Variants in SEC14L6 observed in about 807,000 individuals in gnomAD.
SEC14L6 encodes the protein SEC14 like lipid binding 6.
Under a neutral mutation model 54.1 loss-of-function variants are expected in SEC14L6, and 40 were observed. The ratio of observed to expected loss-of-function variants is 0.74; its 90% confidence interval spans 0.57 to 0.96. The LOEUF (loss-of-function observed/expected upper bound fraction) is 0.96, where lower values mean the gene tolerates loss of function less well. Ranked by LOEUF, SEC14L6 falls within the 40% of genes least tolerant of loss-of-function variation. The pLI is 0.00. For missense variants in SEC14L6, 471 were observed against 498.3 expected (o/e 0.95, Z 0.52); for synonymous variants, 171 against 198.4 (o/e 0.86, Z 1.16).
chr22:30,532,227 C>A, intron 5 of SEC14L6: 1 of 985,460 alleles, frequency 1.0e-6, no homozygotes, highest in Non-Finnish European at 1.2e-6. Flanking sequence ...TTGCAGTTCC[C>A]TCTTCGGTCC....
At chr22:30,546,577 C>G in intron 1 of SEC14L6, 52 bp downstream of exon 1, 1 of 1,506,080 alleles carries the variant, frequency 6.6e-7, no homozygotes, top group African/African-American at 1.4e-5. Flanking sequence ...TGCCCTTCCC[C>G]GTGGCAGAAG....
In SEC14L6 at chr22:30,523,742, T is replaced by C. The variant is rs1332495923; in HGVS notation, c.*1255A>G. ...TGCTATAACAGTGGGAGGGAACGTG[T>C]ATGTGGAAGACAGAATAGAGAGTTT... On this transcript the variant is annotated 3_prime_UTR_variant, in exon 12 of 12. Transcript: ENST00000402034. The C allele has an allele frequency of 2.0e-5, 3 of 152,166 alleles. No individual in the cohort carries two copies. Among genetic ancestry groups the C allele is most frequent in the Admixed American group, 2.0e-4 (3 of 15,264 alleles). 9.4% of individuals were successfully genotyped at this position (152,166 alleles called of 1,614,324 possible).
intron 8 of SEC14L6, 117 bp from the exon 9 acceptor site, chr22:30,526,049 G>T: frequency 8.1e-7 from 1 of 1,227,082 alleles, no homozygotes; most frequent in Non-Finnish European, 1.2e-6. Context: ...GCGCGCTTTT[G>T]CCACTCCATT....
intron 1 of SEC14L6, among the ~76,000 whole-genome samples, chr22:30,541,234 C>A (rs1479326553): frequency 6.6e-6 from 1 of 151,984 alleles, no homozygotes; most frequent in Non-Finnish European, 1.5e-5. Flanking sequence ...TTTTTATAAT[C>A]ATCTTCTTGG....
chr22:30,531,041 C>T (rs954768529), intron 6 of SEC14L6, among the ~76,000 whole-genome samples: 7 of 152,120 alleles, frequency 4.6e-5, no homozygotes, highest in Non-Finnish European at 7.4e-5. Flanking sequence ...GAGATGGTGA[C>T]CTGGGGGTGC....
At chr22:30,541,641 G>A (rs973977282) in intron 1 of SEC14L6, among the ~76,000 whole-genome samples, 2 of 151,704 alleles carry the variant, frequency 1.3e-5, no homozygotes, top group Non-Finnish European at 2.9e-5. Context: ...CTGGGTGACA[G>A]AGCCAGACTC....
chr22:30,532,849 T>C lies in SEC14L6; in HGVS notation c.182A>G (p.Glu61Gly). The stretch of plus-strand genomic sequence containing the variant: ...GGCCAGGTCTTGTTGCTTCCGGAAC[T>C]CCATATGCTGCAGAGACACGGCAGG... Reference protein sequence around the residue: ...KSEDMLRKHMEFRKQQDLANI... With the variant: ...KSEDMLRKHMGFRKQQDLANI... The change falls in exon 4 of 12, where the codon GAG (glutamate) becomes GGG (glycine). Residue 61 changes from glutamate to glycine, a missense_variant. Physicochemically the swap from Glu to Gly is moderately conservative, Grantham distance 98. Coordinates refer to ENST00000402034, the MANE Select transcript of SEC14L6 (RefSeq NM_001193336.4). 6.2e-7 allele frequency: 1 copy of C among 1,613,564 alleles called. No individual in the cohort carries two copies. The highest frequency in any genetic ancestry group is 8.5e-7 in the Non-Finnish European group (1 of 1,179,870).
chr22:30,542,398 A>C, intron 1 of SEC14L6: 1 of 412,882 alleles, frequency 2.4e-6, no homozygotes, highest in Non-Finnish European at 4.2e-6. Flanking sequence ...TCCGGAGGCG[A>C]GGGGAGGTCG....
intron 1 of SEC14L6, among the ~76,000 whole-genome samples, chr22:30,546,383 CAA>C (rs915640201): frequency 2.0e-4 from 10 of 49,854 alleles, no homozygotes; most frequent in Middle Eastern, 0.011. Context: ...AACTCCGTCT[CAA>C]AAAAAAAAAA....
At chr22:30,544,147 A>C in intron 1 of SEC14L6, 2 of 1,147,272 alleles carry the variant, frequency 1.7e-6, no homozygotes, top group South Asian at 1.4e-5. Flanking sequence ...AGGAGCCGCC[A>C]TGATGAGCAC....
chr22:30,532,426 GAGGAGCCC>G, intron 5 of SEC14L6, 91 bp downstream of exon 5: 2 of 1,364,796 alleles, frequency 1.5e-6, no homozygotes, highest in Non-Finnish European at 9.8e-7. Context: ...AGGAGGAGCC[GAGGAGCCC>G]AGGAGCCCAG....
chr22:30,527,690 G>A (rs1256659867), intron 8 of SEC14L6, among the ~76,000 whole-genome samples: 6 of 147,094 alleles, frequency 4.1e-5, no homozygotes, highest in Non-Finnish European at 8.9e-5. Flanking sequence ...ACTCCAGCCT[G>A]GGTGGCAGAG....
In SEC14L6 at chr22:30,543,078, C is replaced by G. The variant is rs975668218; in HGVS notation, c.54+3551G>C. ...CTGACCACACAGTGAGCTTCACCTG[C>G]GAGTCTCATGGCTTCTCACCCAGAG... On this transcript the variant is annotated intron_variant, in intron 1 of 11. Coordinates refer to ENST00000402034, the MANE Select transcript of SEC14L6 (RefSeq NM_001193336.4). The G allele has an allele frequency of 1.5e-5, 24 of 1,598,760 alleles. 1 individual carries two copies. In the East Asian group the frequency reaches 5.1e-4, roughly 34 times the overall value.
At chr22:30,534,170 C>T in intron 2 of SEC14L6, 131 bp from the exon 3 acceptor site, 1 of 789,226 alleles carries the variant, frequency 1.3e-6, no homozygotes. Flanking sequence ...TGTTCTTGAC[C>T]TGGGGAGCCA....
chr22:30,543,304 T>C (rs890282167), intron 1 of SEC14L6: 8 of 1,576,566 alleles, frequency 5.1e-6, no homozygotes, highest in Admixed American at 5.0e-5. Flanking sequence ...GACTGCCAAC[T>C]TGTCTGAGAC....
intron 1 of SEC14L6, among the ~76,000 whole-genome samples, chr22:30,541,347 T>C (rs1308272231): frequency 6.6e-6 from 1 of 152,222 alleles, no homozygotes; most frequent in African/African-American, 2.4e-5. Flanking sequence ...GTTTAATTGC[T>C]TTTCATCAAA....
chr22:30,546,571 C>G, intron 1 of SEC14L6, 58 bp downstream of exon 1: 1 of 1,483,398 alleles, frequency 6.7e-7, no homozygotes, highest in Non-Finnish European at 9.2e-7. Flanking sequence ...GAGTCCTGCC[C>G]TTCCCCGTGG....
intron 1 of SEC14L6, among the ~76,000 whole-genome samples, chr22:30,545,349 G>A (rs1055320699): frequency 3.3e-5 from 5 of 152,174 alleles, no homozygotes; most frequent in African/African-American, 1.2e-4. Flanking sequence ...TCTGCTGTGA[G>A]TGTAAAATAC....
chr22:30,541,337 G>A (rs1274126894), intron 1 of SEC14L6, among the ~76,000 whole-genome samples: 1 of 152,188 alleles, frequency 6.6e-6, no homozygotes, highest in Non-Finnish European at 1.5e-5. Flanking sequence ...TATGAATGGT[G>A]TTTAATTGCT....
Sources: allele counts gnomAD v4.1 joint callset (sites outside exome capture counted in the v4.1 genomes callset), GRCh38; gene constraint gnomAD v4.1.1; transcripts MANE v1.5; gene names NCBI Gene and HGNC (gene_info 2026-07-23, HGNC 2026-07-21).